The following PWWP3B variants were observed in gnomAD, a reference collection of about 807,000 sequenced individuals.
PWWP3B encodes PWWP domain containing 3B.
Under a neutral mutation model 15.7 loss-of-function variants are expected in PWWP3B, and 5 were observed. The ratio of observed to expected loss-of-function variants is 0.32; its 90% CI spans 0.17 to 0.67. The LOEUF (loss-of-function observed/expected upper bound fraction) is 0.67. Among genes scored for constraint, PWWP3B ranks in the 30% least tolerant of loss-of-function variants. The pLI is 0.74. For missense variants in PWWP3B, 519 were observed against 493.1 expected (o/e 1.05, Z -0.50); for synonymous variants, 203 against 179.8 (o/e 1.13, Z -1.03).
At position 106,206,696 on chromosome X, in the gene PWWP3B, G is replaced by T. The variant is rs1924049656; in HGVS notation, c.1264G>T (p.Val422Leu). Reference protein sequence around the residue: ...SIRRKERKASVLFVEANMNSE... With the variant: ...SIRRKERKASLLFVEANMNSE... ...CAGACGAAAAGAGAGGAAAGCAAGT[G>T]TGCTTTTTGTTGAGGCAAACATGAA... is the stretch of plus-strand genomic sequence containing the variant. The change falls in exon 4 of 4, where the codon GTG becomes TTG. Residue 422 changes from valine to leucine, a missense_variant. Val to Leu is a conservative substitution (Grantham distance 32). Transcript: ENST00000357175. 1.5e-5 allele frequency: 18 copies of T among 1,209,751 alleles called. No homozygotes were observed. The highest frequency in any genetic ancestry group is 1.9e-5 in the Non-Finnish European group (17 of 894,444).
At chrX:106,175,366 G>A (rs1921844991) in intron 2 of PWWP3B, among the ~76,000 whole-genome samples, 2 of 101,685 alleles carry the variant, frequency 2.0e-5, no homozygotes, top group Admixed American at 1.1e-4. Context: ...TCAGCCTCCC[G>A]AGTAGCTGGG....
At chrX:106,202,867 CA>C (rs1255351708) in intron 2 of PWWP3B, among the ~76,000 whole-genome samples, 2 of 111,830 alleles carry the variant, frequency 1.8e-5, no homozygotes, top group Non-Finnish European at 3.8e-5. Context: ...TTACTACATA[CA>C]AATCAGGAAA....
At chrX:106,186,429 T>A (rs1922512334) in intron 2 of PWWP3B, among the ~76,000 whole-genome samples, 1 of 111,558 alleles carries the variant, frequency 9.0e-6, no homozygotes, top group East Asian at 2.8e-4. Flanking sequence ...GCCACGCTAG[T>A]TGCTTTTAAT....
At chrX:106,180,367 C>T (rs760981108) in intron 2 of PWWP3B, among the ~76,000 whole-genome samples, 13 of 111,033 alleles carry the variant, frequency 1.2e-4, no homozygotes, top group Non-Finnish European at 2.3e-4. Context: ...TTAAATATTT[C>T]CCCCCCAACC....
At chrX:106,199,857 A>G (rs1386182696) in intron 2 of PWWP3B, among the ~76,000 whole-genome samples, 1 of 111,637 alleles carries the variant, frequency 9.0e-6, no homozygotes, top group Non-Finnish European at 1.9e-5. Flanking sequence ...GAGCAACTAG[A>G]AGTTTCTGTC....
rs773267696 is a variant in PWWP3B, at chrX:106,207,391, T to C, written c.1959T>C (p.Asp653=). ...TTATTTGTTCAATTTCTGCTGTTGATGGGTTAGATTACGAGGCAGCTGAAG... is the reference window on the plus strand; with the variant it reads ...TTATTTGTTCAATTTCTGCTGTTGACGGGTTAGATTACGAGGCAGCTGAAG... ...EAIICSISAV[D]GLDYEAAEAK... Residue 653 remains aspartate, a synonymous_variant, in exon 4 of 4, where the codon GAT becomes GAC. Transcript: ENST00000357175. 8 of 1,173,260 alleles carry C rather than the reference T, an allele frequency of 6.8e-6. No individual in the cohort carries two copies. Among genetic ancestry groups the C allele is most frequent in the Non-Finnish European group, 9.1e-6 (8 of 875,794 alleles).
At chrX:106,187,506 C>G (rs944295712) in intron 2 of PWWP3B, among the ~76,000 whole-genome samples, 1 of 111,548 alleles carries the variant, frequency 9.0e-6, no homozygotes, top group African/African-American at 3.3e-5. Flanking sequence ...TCTTTTTATT[C>G]ATATACATTT....
intron 2 of PWWP3B, among the ~76,000 whole-genome samples, chrX:106,194,838 G>A (rs983553943): frequency 3.6e-5 from 4 of 111,882 alleles, no homozygotes; most frequent in African/African-American, 9.8e-5. Flanking sequence ...TATCAGCAGC[G>A]GTGGCTGCAG....
At chrX:106,175,505 G>T (rs1420449924) in intron 2 of PWWP3B, among the ~76,000 whole-genome samples, 1 of 110,600 alleles carries the variant, frequency 9.0e-6, no homozygotes, top group African/African-American at 3.3e-5. Context: ...CTCCCAAAGT[G>T]CTGGTATTAC....
intron 2 of PWWP3B, among the ~76,000 whole-genome samples, chrX:106,202,295 C>T (rs186156833): frequency 4.5e-5 from 5 of 111,705 alleles, no homozygotes; most frequent in African/African-American, 1.3e-4. Flanking sequence ...GGAAAATAAT[C>T]TCTCATGTTA....
intron 2 of PWWP3B, among the ~76,000 whole-genome samples, chrX:106,176,998 G>A (rs1454863152): frequency 8.9e-6 from 1 of 112,593 alleles, no homozygotes; most frequent in Non-Finnish European, 1.9e-5. Context: ...GAAATAAGTT[G>A]CCAAAGTAGG....
Position 106,206,159 on chromosome X carries a change from T to C in PWWP3B, c.727T>C (p.Leu243=). The C allele has an allele frequency of 8.3e-7, 1 of 1,209,942 alleles. No individual in the cohort carries two copies. Among genetic ancestry groups the C allele is most frequent in the African/African-American group, 1.7e-5 (1 of 57,810 alleles). ...AAAGTTTGCTCCACCTTTGTCACCT[T>C]TGTCATCAGATATGCTCATTATGCC... ...DEKFAPPLSP[L]SSDMLIMPKA... The change falls in exon 4 of 4, where the codon TTG becomes CTG. Residue 243 remains leucine (L), a synonymous_variant. Coordinates refer to ENST00000357175, the MANE Select transcript of PWWP3B (RefSeq NM_001171020.2).
chrX:106,203,581 T>G (rs1001609269), intron 2 of PWWP3B, among the ~76,000 whole-genome samples: 1 of 112,056 alleles, frequency 8.9e-6, no homozygotes, highest in Admixed American at 9.5e-5. Context: ...TATTTTGTAT[T>G]AGTAAACTAT....
chrX:106,183,064 G>A, intron 2 of PWWP3B, among the ~76,000 whole-genome samples: 1 of 110,871 alleles, frequency 9.0e-6, no homozygotes, highest in Non-Finnish European at 1.9e-5. Flanking sequence ...TTTAACTCGG[G>A]TGTGGTGAAT....
intron 2 of PWWP3B, among the ~76,000 whole-genome samples, chrX:106,189,868 C>T (rs190307408): frequency 0.019 from 2,106 of 108,180 alleles, 54 homozygotes; most frequent in African/African-American, 0.069. Context: ...CCGCCTGCCT[C>T]GGCCTCCCAA....
intron 2 of PWWP3B, among the ~76,000 whole-genome samples, chrX:106,192,479 T>C (rs1439475427): frequency 6.3e-5 from 7 of 111,562 alleles, no homozygotes; most frequent in Admixed American, 5.7e-4. Flanking sequence ...TTGTTGATCT[T>C]TTCAAAAAAC....
At chrX:106,190,486 T>C (rs1270902101) in intron 2 of PWWP3B, among the ~76,000 whole-genome samples, 1 of 111,449 alleles carries the variant, frequency 9.0e-6, no homozygotes, top group Non-Finnish European at 1.9e-5. Flanking sequence ...TTCTCCCATT[T>C]TGTAGGTTGC....
In PWWP3B at chrX:106,206,593, A is replaced by T. The variant is rs1240590133; in HGVS notation, c.1161A>T (p.Thr387=). The change falls in exon 4 of 4, where the codon ACA becomes ACT. Residue 387 remains threonine (T), a synonymous_variant. Coordinates refer to ENST00000357175, the MANE Select transcript of PWWP3B (RefSeq NM_001171020.2). The part of the protein sequence containing the change: ...ELPRFILHYE[T]HPFETGMIVW... ...CACGCTTCATTTTACATTATGAGAC[A>T]CATCCGTTTGAAACAGGAATGATAG... 8.3e-7 allele frequency: 1 copy of T among 1,208,824 alleles called. No homozygotes were observed. Among genetic ancestry groups the T allele is most frequent in the African/African-American group, 1.7e-5 (1 of 57,331 alleles).
At chrX:106,184,318 T>C in intron 2 of PWWP3B, among the ~76,000 whole-genome samples, 1 of 110,944 alleles carries the variant, frequency 9.0e-6, no homozygotes, top group Non-Finnish European at 1.9e-5. Context: ...GACAGGGGAG[T>C]ATATTTTCTT....
Sources: allele counts gnomAD v4.1 joint callset (sites outside exome capture counted in the v4.1 genomes callset), GRCh38; gene constraint gnomAD v4.1.1; transcripts MANE v1.5; gene names NCBI Gene and HGNC (gene_info 2026-07-23, HGNC 2026-07-21).